Variants in DIP2A observed in about 807,000 individuals in gnomAD.
DIP2A encodes DIP2 acetate--CoA ligase A.
In DIP2A, 85 loss-of-function variants were observed where a neutral mutation model predicts 177.4. That is an observed-to-expected ratio of 0.48 (90% CI 0.40 to 0.57). The LOEUF is 0.57. Among genes scored for constraint, DIP2A ranks in the 20% least tolerant of loss-of-function variants. The pLI is 0.00. For missense variants in DIP2A, 1,791 were observed against 2,100.2 expected, an observed-to-expected ratio of 0.85 and a Z score of 2.88; for synonymous variants, 886 against 881.8, an observed-to-expected ratio of 1.00 and a Z score of -0.08.
At position 46,566,690 on chromosome 21, in the gene DIP2A, G is replaced by T. The variant is rs775536392; in HGVS notation, c.4463+7G>T. ...ACAGGAGCATCGCTGAGTGGTAAGA[G>T]CCCAGGTGGAGGGCGGCTTCACGTG... is the stretch of plus-strand genomic sequence containing the variant. On this transcript the variant is annotated splice_region_variant and intron_variant, in intron 37 of 37. Transcript: ENST00000417564. 35 of 1,613,948 alleles carry T rather than the reference G, an allele frequency of 2.2e-5. No individual in the cohort carries two copies. The East Asian group carries it at 2.2e-4, about 10-fold the overall frequency.
At chr21:46,554,083 G>A in intron 25 of DIP2A, 86 bp from the exon 26 acceptor site, 2 of 1,462,216 alleles carry the variant, frequency 1.4e-6, no homozygotes, top group South Asian at 1.3e-5. Context: ...CGTGTGCAGT[G>A]GCGTGCAGGT....
chr21:46,473,653 T>G (rs11701902), intron 1 of DIP2A, among the ~76,000 whole-genome samples: 1 of 151,864 alleles, frequency 6.6e-6, no homozygotes, highest in Non-Finnish European at 1.5e-5. Flanking sequence ...ATAGTTGGGA[T>G]TACAGGCGTG....
intron 18 of DIP2A, among the ~76,000 whole-genome samples, 180 bp from the exon 19 acceptor site, chr21:46,544,950 CATATAAA>C (rs1229526795): frequency 1.3e-5 from 2 of 152,164 alleles, no homozygotes; most frequent in African/African-American, 4.8e-5. Flanking sequence ...AAAAATATTA[CATATAAA>C]ATATAAAGAC....
chr21:46,509,522 AT>A, intron 7 of DIP2A, 146 bp downstream of exon 7: 2 of 1,026,634 alleles, frequency 1.9e-6, no homozygotes, highest in Non-Finnish European at 2.5e-6. Flanking sequence ...GTAATGGTGA[AT>A]TTAGAATCAC....
intron 1 of DIP2A, 53 bp downstream of exon 1, chr21:46,459,275 C>A (rs2054057775): frequency 1.4e-6 from 2 of 1,435,868 alleles, no homozygotes. Flanking sequence ...CCCGGTCCCC[C>A]GCGCAGCCCC....
intron 5 of DIP2A, among the ~76,000 whole-genome samples, chr21:46,501,499 A>G (rs113645082): frequency 0.018 from 2,747 of 152,196 alleles, 70 homozygotes; most frequent in South Asian, 0.077. Flanking sequence ...AGGTCACTGC[A>G]GCCTTGAACT....
At chr21:46,493,038 G>A (rs1052356174) in intron 3 of DIP2A, among the ~76,000 whole-genome samples, 6 of 152,194 alleles carry the variant, frequency 3.9e-5, no homozygotes, top group African/African-American at 1.4e-4. Context: ...CTGTAAGCCA[G>A]GAAGAGAGCC....
intron 8 of DIP2A, among the ~76,000 whole-genome samples, chr21:46,511,945 C>G (rs982893495): frequency 1.3e-5 from 2 of 152,062 alleles, no homozygotes; most frequent in African/African-American, 2.4e-5. Flanking sequence ...TGGTTCCATA[C>G]TATGTTTTTT....
In DIP2A at chr21:46,566,587, G is replaced by C. The variant is rs2060845033; in HGVS notation, c.4367G>C (p.Gly1456Ala). 1.2e-6 allele frequency: 2 copies of C among 1,613,984 alleles called. No individual in the cohort carries two copies. The highest frequency in any genetic ancestry group is 1.1e-5 in the South Asian group (1 of 91,086). ...CGGCACGATGCACTGTATGTGGTTGGGTCTCTGGATGAAACTCTGGAGCTC... is the reference window on the plus strand; with the variant it reads ...CGGCACGATGCACTGTATGTGGTTGCGTCTCTGGATGAAACTCTGGAGCTC... ...GGRHDALYVV[G>A]SLDETLELRG... The change falls in exon 37 of 38, where the codon GGG becomes GCG. Residue 1456 changes from glycine (G) to alanine (A), a missense_variant. Gly to Ala is a moderately conservative substitution (Grantham distance 60). Transcript: ENST00000417564.
chr21:46,506,516 C>T (rs1323857920), intron 6 of DIP2A, among the ~76,000 whole-genome samples: 1 of 152,104 alleles, frequency 6.6e-6, no homozygotes, highest in Non-Finnish European at 1.5e-5. Context: ...TCCTCCACAC[C>T]CTTTCCAACA....
chr21:46,545,254 T>G lies in DIP2A; in HGVS notation c.2294T>G (p.Ile765Ser). The G allele has an allele frequency of 6.3e-7, 1 of 1,597,680 alleles. No individual in the cohort carries two copies. Among genetic ancestry groups the G allele is most frequent in the South Asian group, 1.1e-5 (1 of 89,532 alleles). ...ACAGCGTACTATGGATTGCTTGGAA[T>G]CACGAAGAATGTGTTTGAGGTTTGT... ...TGTAYYGLLG[I>S]TKNVFEAVPV... Residue 765 changes from isoleucine to serine, a missense_variant, in exon 19 of 38, where the codon ATC (isoleucine) becomes AGC (serine). Physicochemically the swap from Ile to Ser is moderately radical, Grantham distance 142. Coordinates refer to ENST00000417564, the MANE Select transcript of DIP2A (RefSeq NM_015151.4).
At chr21:46,484,672 A>T (rs718496) in intron 1 of DIP2A, 85 bp from the exon 2 acceptor site, 2 of 1,188,478 alleles carry the variant, frequency 1.7e-6, no homozygotes, top group Non-Finnish European at 1.2e-6. Flanking sequence ...CAGTGTTTCC[A>T]GTTTTTCAAT....
At chr21:46,543,032 A>G (rs2059882290) in intron 18 of DIP2A, among the ~76,000 whole-genome samples, 1 of 152,238 alleles carries the variant, frequency 6.6e-6, no homozygotes, top group South Asian at 2.1e-4. Flanking sequence ...TCATTGAATA[A>G]GACTGAAGTA....
chr21:46,458,938 C>T lies in DIP2A; in HGVS notation c.-194C>T. ...AGGAGCGCGCGGGGCAGCGGCGGCGCGGCGGAGCCATCCGCGCTCGTGCCC... is the reference window on the plus strand; with the variant it reads ...AGGAGCGCGCGGGGCAGCGGCGGCGTGGCGGAGCCATCCGCGCTCGTGCCC... On this transcript the variant is annotated 5_prime_UTR_variant, in exon 1 of 38. Coordinates refer to ENST00000417564, the MANE Select transcript of DIP2A (RefSeq NM_015151.4). 3.0e-6 allele frequency: 1 copy of T among 328,112 alleles called. No individual in the cohort carries two copies. The highest frequency in any genetic ancestry group is 5.4e-6 in the Non-Finnish European group (1 of 185,156). The allele number at this position is 328,112 out of a possible 1,614,324, so 20.3% of individuals were successfully genotyped here. A position where few individuals can be genotyped will look rare whatever the true frequency, so the allele number is the denominator to read the frequency against.
At chr21:46,522,446 A>T (rs1188901093) in intron 8 of DIP2A, among the ~76,000 whole-genome samples, 1 of 152,212 alleles carries the variant, frequency 6.6e-6, no homozygotes, top group Non-Finnish European at 1.5e-5. Context: ...GGCAAAGCAG[A>T]TTCCAAAAAT....
At chr21:46,483,591 C>T (rs971255426) in intron 1 of DIP2A, among the ~76,000 whole-genome samples, 2 of 152,216 alleles carry the variant, frequency 1.3e-5, no homozygotes, top group Non-Finnish European at 2.9e-5. Flanking sequence ...TGTAGGATGG[C>T]ATATTAATGC....
At chr21:46,539,205 CAG>C (rs2059701623) in intron 16 of DIP2A, 3 of 161,002 alleles carry the variant, frequency 1.9e-5, no homozygotes, top group African/African-American at 4.8e-5. Flanking sequence ...GCTGGTCACA[CAG>C]GGGCTCCTGT....
chr21:46,519,855 A>ATTTTTTT lies in DIP2A; in HGVS notation c.1102+8272_1102+8278dup, dbSNP rs59574579. Among the ~76,000 whole-genome samples, 33 of 53,016 alleles carry ATTTTTTT rather than the reference A, an allele frequency of 6.2e-4. 6 individuals are homozygous for ATTTTTTT. Among genetic ancestry groups the ATTTTTTT allele is most frequent in the African/African-American group, 1.7e-3 (20 of 11,476 alleles). 34.8% of individuals were successfully genotyped at this position (53,016 alleles called of 152,430 possible). ...GCCCAGAATTAGAATATTGATCTAG[A>ATTTTTTT]TTTTTTTTTTTTTTTTTTTTTTTTT... is the stretch of plus-strand genomic sequence containing the variant. On this transcript the variant is annotated intron_variant, in intron 8 of 37. Coordinates refer to ENST00000417564, the MANE Select transcript of DIP2A (RefSeq NM_015151.4).
chr21:46,498,354 C>T lies in DIP2A; in HGVS notation c.404-228C>T, dbSNP rs1316443107. 2.0e-5 allele frequency among the ~76,000 whole-genome samples: 3 copies of T among 152,166 alleles called. No homozygotes were observed. The highest frequency in any genetic ancestry group is 4.4e-5 in the Non-Finnish European group (3 of 68,020). On this transcript the variant is annotated intron_variant, in intron 4 of 37. Transcript: ENST00000417564. The surrounding 1 kb of genome is among the most constrained non-coding windows in gnomAD (Gnocchi z 4.3). Reference sequence around the variant, plus strand: ...CTGGTACCCTGTGGCTGAGTTCTCTCTGGGGAGCTGGGGGCTCATGGAATC... The same window carrying T: ...CTGGTACCCTGTGGCTGAGTTCTCTTTGGGGAGCTGGGGGCTCATGGAATC...
Sources: allele counts gnomAD v4.1 joint callset (sites outside exome capture counted in the v4.1 genomes callset), GRCh38; gene constraint gnomAD v4.1.1; non-coding constraint Gnocchi (gnomAD v3.1); transcripts MANE v1.5; gene names NCBI Gene and HGNC (gene_info 2026-07-23, HGNC 2026-07-21).